The following ARHGEF3 variants were observed in gnomAD, a reference collection of about 807,000 sequenced individuals.
ARHGEF3 encodes 59.8 kDA protein.
ARHGEF3 carries 28 observed loss-of-function variants against 63.2 expected under a neutral mutation model. The observed-to-expected ratio is 0.44, with a 90% CI of 0.33 to 0.61. ARHGEF3 has a LOEUF of 0.61. Ranked by LOEUF, ARHGEF3 falls within the 20% of genes least tolerant of loss-of-function variation. ARHGEF3 has a pLI of 0.03. For synonymous variants in ARHGEF3, 266 were observed against 254.2 expected (o/e 1.05, Z -0.44); for missense variants, 533 against 659.3 (o/e 0.81, Z 2.10).
intron 4 of ARHGEF3, among the ~76,000 whole-genome samples, chr3:56,823,986 G>GAAAAAA (rs5849170): frequency 1.6e-5 from 2 of 126,406 alleles, no homozygotes; most frequent in African/African-American, 3.1e-5. Context: ...TTGAGGAAAG[G>GAAAAAA]AAAAAAAAAA....
chr3:56,946,980 C>T (rs142890449), intron 3 of ARHGEF3, among the ~76,000 whole-genome samples: 1 of 152,210 alleles, frequency 6.6e-6, no homozygotes, highest in African/African-American at 2.4e-5. Context: ...ATTCGACATT[C>T]TTAAAGAAAA....
chr3:56,794,077 C>T (rs1312353933), intron 1 of ARHGEF3, among the ~76,000 whole-genome samples: 3 of 152,002 alleles, frequency 2.0e-5, no homozygotes, highest in Admixed American at 6.6e-5. Flanking sequence ...AATACCAGGC[C>T]AGGAGAAGGA....
intron 3 of ARHGEF3, among the ~76,000 whole-genome samples, chr3:56,956,976 T>C (rs967188771): frequency 6.6e-6 from 1 of 152,172 alleles, no homozygotes; most frequent in Non-Finnish European, 1.5e-5. Context: ...TCCACGTACA[T>C]CAACACTTCA....
chr3:56,915,495 A>C (rs2108350230), intron 3 of ARHGEF3, among the ~76,000 whole-genome samples: 1 of 152,226 alleles, frequency 6.6e-6, no homozygotes, highest in South Asian at 2.1e-4. Flanking sequence ...ACAAATAAAG[A>C]ACAGTTTTGG....
chr3:57,000,310 C>CACACACACACACACACACACACACACACA (rs1560120499), intron 2 of ARHGEF3, among the ~76,000 whole-genome samples: 1 of 139,164 alleles, frequency 7.2e-6, no homozygotes, highest in African/African-American at 2.8e-5. Flanking sequence ...AGGGTAACTC[C>CACACACACACACACACACACACACACACA]CACACACACA....
At chr3:56,781,995 T>C (rs568334846) in intron 1 of ARHGEF3, among the ~76,000 whole-genome samples, 102 of 152,262 alleles carry the variant, frequency 6.7e-4, no homozygotes, top group Non-Finnish European at 1.0e-3. Context: ...TATGCAGCAC[T>C]GAGGAGGCCT....
At chr3:56,799,947 C>T (rs184480380) in intron 1 of ARHGEF3, among the ~76,000 whole-genome samples, 6 of 152,304 alleles carry the variant, frequency 3.9e-5, no homozygotes, top group Admixed American at 3.3e-4. Flanking sequence ...CCTTATTTCT[C>T]ACATCAGGAT....
chr3:57,019,337 C>T (rs997320905), intron 2 of ARHGEF3, among the ~76,000 whole-genome samples: 1 of 152,088 alleles, frequency 6.6e-6, no homozygotes, highest in African/African-American at 2.4e-5. Flanking sequence ...GATCAGGTTT[C>T]TTATTTTTTC....
chr3:56,768,626 G>C (rs1481341318), intron 2 of ARHGEF3, among the ~76,000 whole-genome samples: 1 of 144,460 alleles, frequency 6.9e-6, no homozygotes, highest in African/African-American at 2.6e-5. Flanking sequence ...AACAAAGGGA[G>C]GAGGAAAATA....
intron 1 of ARHGEF3, among the ~76,000 whole-genome samples, chr3:57,067,444 C>T (rs1705607492): frequency 8.5e-6 from 1 of 118,314 alleles, no homozygotes; most frequent in South Asian, 2.6e-4. Flanking sequence ...GACAGCAAGA[C>T]TCTGTCTCAA....
chr3:57,047,410 C>T (rs878943798), intron 1 of ARHGEF3, among the ~76,000 whole-genome samples: 2 of 151,716 alleles, frequency 1.3e-5, no homozygotes, highest in Admixed American at 1.3e-4. Flanking sequence ...ACAACAACAA[C>T]AACAAAGTGA....
At chr3:56,999,631 C>T (rs1702115102) in intron 2 of ARHGEF3, among the ~76,000 whole-genome samples, 1 of 152,134 alleles carries the variant, frequency 6.6e-6, no homozygotes, top group Admixed American at 6.5e-5. Context: ...TATAGCCAGA[C>T]CCCATCTCTA....
intron 7 of ARHGEF3, among the ~76,000 whole-genome samples, chr3:56,739,848 T>C (rs147243405): frequency 0.011 from 1,663 of 152,268 alleles, 31 homozygotes; most frequent in African/African-American, 0.038. Context: ...TGAATGTATC[T>C]TATGGAGAGA....
At chr3:56,984,715 A>C (rs1701466770) in intron 2 of ARHGEF3, among the ~76,000 whole-genome samples, 1 of 152,230 alleles carries the variant, frequency 6.6e-6, no homozygotes, top group Admixed American at 6.5e-5. Context: ...CATCAAGTGA[A>C]CATTACTCCC....
chr3:56,898,372 C>T (rs143617720), intron 3 of ARHGEF3, among the ~76,000 whole-genome samples: 2 of 152,044 alleles, frequency 1.3e-5, no homozygotes, highest in African/African-American at 2.4e-5. Context: ...ACCACACTGG[C>T]TGATTTTTGT....
At chr3:57,044,833 T>A (rs1704378205) in intron 1 of ARHGEF3, among the ~76,000 whole-genome samples, 1 of 152,208 alleles carries the variant, frequency 6.6e-6, no homozygotes, top group Non-Finnish European at 1.5e-5. Context: ...CCAGGATGCC[T>A]GTCTTTAGGC....
At chr3:56,813,209 CA>C (rs1408601801) in intron 4 of ARHGEF3, among the ~76,000 whole-genome samples, 3 of 152,088 alleles carry the variant, frequency 2.0e-5, no homozygotes, top group Non-Finnish European at 4.4e-5. Flanking sequence ...TTAGTGCATC[CA>C]AAACACACAA....
intron 3 of ARHGEF3, among the ~76,000 whole-genome samples, chr3:56,894,954 A>G (rs999677059): frequency 1.3e-5 from 2 of 152,182 alleles, no homozygotes; most frequent in African/African-American, 4.8e-5. Context: ...ACTTTCCCCC[A>G]TCCCTGCAGC....
At chr3:56,774,948 G>A in intron 1 of ARHGEF3, 1 of 1,347,790 alleles carries the variant, frequency 7.4e-7, no homozygotes, top group South Asian at 1.5e-5. Context: ...AGGCTATGGG[G>A]AAGAGAATGA....
Sources: gnomAD v4.1 joint callset for allele counts (sites outside exome capture counted in the v4.1 genomes callset) on GRCh38, gnomAD v4.1.1 for gene constraint, MANE v1.5 for transcripts, NCBI Gene and HGNC (gene_info 2026-07-23, HGNC 2026-07-21) for gene names.